Variants in RNASET2 observed in about 807,000 individuals in gnomAD.
RNASET2 encodes ribonuclease 6.
A neutral mutation model predicts 33.9 loss-of-function variants in RNASET2; 28 were observed. The observed-to-expected ratio is 0.83, with a 90% CI of 0.61 to 1.13. The LOEUF (loss-of-function observed/expected upper bound fraction) is 1.13, where lower values mean the gene tolerates loss of function less well. RNASET2 is among the 50% of genes most tolerant of loss of function. The probability of loss-of-function intolerance (pLI) is 0.00; values close to 1 mark genes in which losing one functional copy is unlikely to be tolerated. For synonymous variants in RNASET2, 123 were observed against 121.0 expected, an observed-to-expected ratio of 1.02 and a Z score of -0.11; for missense variants, 330 against 319.9, an observed-to-expected ratio of 1.03 and a Z score of -0.24.
At chr6:166,953,851 A>G (rs1355223683) in intron 1 of RNASET2, among the ~76,000 whole-genome samples, 2 of 150,602 alleles carry the variant, frequency 1.3e-5, no homozygotes, top group Admixed American at 6.6e-5. Flanking sequence ...CTGCACTCCA[A>G]CCTGGGCTAC....
In RNASET2 at chr6:166,952,306, G is replaced by A. The variant is rs892477941; in HGVS notation, c.147+182C>T. Among the ~76,000 whole-genome samples, 3 of 152,342 alleles carry A rather than the reference G, an allele frequency of 2.0e-5. No homozygotes were observed. The East Asian group carries it at 5.8e-4, about 29-fold the overall frequency. ...AGCTTGTGGCACTTTTGTTACAGCA[G>A]CCCTGGGAAGCTCACACACAGCCCT... On this transcript the variant is annotated intron_variant, in intron 2 of 8. Transcript: ENST00000508775.
At chr6:166,955,342 C>G (rs1435507188) in intron 1 of RNASET2, 1 of 134,752 alleles carries the variant, frequency 7.4e-6, no homozygotes, top group Non-Finnish European at 1.0e-5. Flanking sequence ...CACGCACACG[C>G]ACACGCACGC....
At chr6:166,955,032 T>C (rs1779072071) in intron 1 of RNASET2, among the ~76,000 whole-genome samples, 1 of 108,070 alleles carries the variant, frequency 9.3e-6, no homozygotes, top group African/African-American at 4.5e-5. Flanking sequence ...ACACCTACTA[T>C]GTAAGTAAGA....
intron 5 of RNASET2, among the ~76,000 whole-genome samples, chr6:166,942,575 G>A (rs919359573): frequency 3.3e-5 from 5 of 151,882 alleles, no homozygotes; most frequent in African/African-American, 9.7e-5. Flanking sequence ...TTGATCTCCC[G>A]GGACCACAGC....
intron 3 of RNASET2, chr6:166,948,300 C>T (rs756111889): frequency 9.0e-5 from 44 of 487,266 alleles, no homozygotes; most frequent in East Asian, 7.4e-4. Context: ...GAGCCAAGAT[C>T]GTGCCACTGC....
intron 6 of RNASET2, among the ~76,000 whole-genome samples, chr6:166,936,609 C>G (rs1346621940): frequency 6.6e-6 from 1 of 152,120 alleles, no homozygotes; most frequent in African/African-American, 2.4e-5. Context: ...GTGCCAGGCT[C>G]CTGTTAACAA....
At position 166,926,349 on chromosome 6, in the gene RNASET2, C is replaced by T. The variant is rs940733546; in HGVS notation, c.*3239G>A. Among the ~76,000 whole-genome samples, 5 of 151,556 alleles carry T rather than the reference C, an allele frequency of 3.3e-5. No homozygotes were observed. The highest frequency in any genetic ancestry group is 4.9e-5 in the African/African-American group (2 of 41,232). ...GGTCAGGAGTTCCAGACCAGCCTGGCCAACACAGTGAAACCCCAACTCTAC... is the reference window on the plus strand; with the variant it reads ...GGTCAGGAGTTCCAGACCAGCCTGGTCAACACAGTGAAACCCCAACTCTAC... On this transcript the variant is annotated 3_prime_UTR_variant, in exon 9 of 9. Transcript: ENST00000508775.
intron 1 of RNASET2, chr6:166,955,681 C>G (rs1779146961): frequency 9.4e-7 from 1 of 1,064,400 alleles, no homozygotes; most frequent in South Asian, 2.8e-5. Context: ...CAGGACCTCA[C>G]CCTACCCCCT....
intron 5 of RNASET2, among the ~76,000 whole-genome samples, chr6:166,939,606 G>A (rs1391185508): frequency 1.3e-5 from 2 of 152,192 alleles, no homozygotes; most frequent in African/African-American, 2.4e-5. Flanking sequence ...ACAAAGCAAC[G>A]TGTGGTCTCC....
At chr6:166,931,249 G>A (rs1438450736) in intron 7 of RNASET2, 131 bp from the exon 8 acceptor site, 2 of 735,096 alleles carry the variant, frequency 2.7e-6, no homozygotes, top group Non-Finnish European at 4.9e-6. Context: ...CCCAGCACAG[G>A]TGTGAGAATG....
chr6:166,948,182 C>T (rs1451008840), intron 3 of RNASET2, among the ~76,000 whole-genome samples: 1 of 151,952 alleles, frequency 6.6e-6, no homozygotes, highest in Non-Finnish European at 1.5e-5. Flanking sequence ...CCTGTCTCTA[C>T]TAAAAATACA....
At chr6:166,941,494 G>A (rs1053385879) in intron 5 of RNASET2, among the ~76,000 whole-genome samples, 3 of 151,988 alleles carry the variant, frequency 2.0e-5, no homozygotes, top group Non-Finnish European at 4.4e-5. Flanking sequence ...AACTTATCAT[G>A]GCCATTATTT....
rs11388348 is a variant in RNASET2 at position 166,926,533 on chromosome 6, CAAAA to C, written c.*3051_*3054del. ...TGGGCGACAGAGTGAGACTCAGTCT[CAAAA>C]AAAAAAAAAAAGAAAAGAAAAGAAA... On this transcript the variant is annotated 3_prime_UTR_variant, in exon 9 of 9. Transcript: ENST00000508775. Among the ~76,000 whole-genome samples, 7 of 128,326 alleles carry C rather than the reference CAAAA, an allele frequency of 5.5e-5. No homozygotes were observed. Among genetic ancestry groups the C allele is most frequent in the African/African-American group, 2.1e-4 (7 of 33,434 alleles). 84.2% of individuals were successfully genotyped at this position (128,326 alleles called of 152,430 possible). A position where few individuals can be genotyped will look rare whatever the true frequency, so the allele number is the denominator to read the frequency against.
At chr6:166,952,353 A>G in intron 2 of RNASET2, 135 bp downstream of exon 2, 4 of 794,328 alleles carry the variant, frequency 5.0e-6, no homozygotes, top group Non-Finnish European at 9.0e-6. Flanking sequence ...TCTCTGCAGG[A>G]GACACCGCCC....
rs79553216 is a variant in RNASET2, at chr6:166,928,445, T to G, written c.*1143A>C. On this transcript the variant is annotated 3_prime_UTR_variant, in exon 9 of 9. Coordinates refer to ENST00000508775, the MANE Select transcript of RNASET2 (RefSeq NM_003730.6). ...ATATTCACAGGCATTGATACAGCTG[T>G]TTTTTTTTTTTTTGTAAATTATGCT... Among the ~76,000 whole-genome samples, 1 of 5,062 alleles carries G rather than the reference T, an allele frequency of 2.0e-4. No individual in the cohort carries two copies. Among genetic ancestry groups the G allele is most frequent in the Non-Finnish European group, 1.8e-3 (1 of 562 alleles). The allele number at this position is 5,062 out of a possible 152,430, so 3.3% of individuals were successfully genotyped here.
intron 2 of RNASET2, among the ~76,000 whole-genome samples, chr6:166,949,071 G>A (rs944725486): frequency 6.6e-6 from 1 of 151,662 alleles, no homozygotes; most frequent in African/African-American, 2.4e-5. Context: ...AAAATTAGCT[G>A]GGCGTGGTGG....
At chr6:166,938,636 C>T (rs978171668) in intron 6 of RNASET2, 2 of 723,186 alleles carry the variant, frequency 2.8e-6, no homozygotes, top group Admixed American at 3.5e-5. Flanking sequence ...CTATGGCCGA[C>T]TCTGATGATG....
rs73041464 is a variant in RNASET2 at position 166,927,576 on chromosome 6, G to A, written c.*2012C>T. Among the ~76,000 whole-genome samples the A allele has an allele frequency of 0.08, 12,171 of 152,032 alleles. 536 individuals carry two copies. The highest frequency in any genetic ancestry group is 0.1 in the African/African-American group (4,189 of 41,426). On this transcript the variant is annotated 3_prime_UTR_variant, in exon 9 of 9. Transcript: ENST00000508775. ...GGCCAGCCGACTGCAGACAGCCTCT[G>A]AAGAGCTGCTTTCCTTGACCCCCCA...
At chr6:166,946,236 T>C (rs1400409895) in intron 4 of RNASET2, among the ~76,000 whole-genome samples, 2 of 152,190 alleles carry the variant, frequency 1.3e-5, no homozygotes, top group Non-Finnish European at 2.9e-5. Flanking sequence ...ATCCACCAGA[T>C]AGGACGGCCC....
Sources: allele counts gnomAD v4.1 joint callset (sites outside exome capture counted in the v4.1 genomes callset), GRCh38; gene constraint gnomAD v4.1.1; transcripts MANE v1.5; gene names NCBI Gene and HGNC (gene_info 2026-07-23, HGNC 2026-07-21).